Variants in SGCD observed in about 807,000 individuals in gnomAD.
The protein encoded by SGCD is sarcoglycan delta.
SGCD carries 18 observed loss-of-function variants against 36.6 expected under a neutral mutation model. That is an observed-to-expected ratio of 0.49 (90% CI 0.34 to 0.73). The LOEUF (loss-of-function observed/expected upper bound fraction) is 0.73. Ranked by LOEUF, SGCD falls within the 30% of genes least tolerant of loss-of-function variation. The probability of loss-of-function intolerance (pLI) is 0.01; values close to 1 mark genes in which losing one functional copy is unlikely to be tolerated. For missense variants in SGCD, 387 were observed against 346.7 expected (o/e 1.12, Z -0.92); for synonymous variants, 133 against 130.6 (o/e 1.02, Z -0.12).
intron 3 of SGCD, among the ~76,000 whole-genome samples, chr5:156,493,338 A>G (rs1040449614): frequency 6.6e-6 from 1 of 152,154 alleles, no homozygotes; most frequent in Non-Finnish European, 1.5e-5. Flanking sequence ...CATCTCTTGA[A>G]TTTACTTTAC....
chr5:156,346,179 C>T (rs541806690), intron 3 of SGCD, among the ~76,000 whole-genome samples: 226 of 151,670 alleles, frequency 1.5e-3, no homozygotes, highest in Non-Finnish European at 2.9e-3. Context: ...CAGAATGGCT[C>T]ACTTTTTAAT....
chr5:155,799,032 T>C, the SGCD span, among the ~76,000 whole-genome samples: 2 of 152,230 alleles, frequency 1.3e-5, no homozygotes, highest in Non-Finnish European at 2.9e-5. Flanking sequence ...ATTTCTTATA[T>C]TCATTTGGTG....
At chr5:156,407,430 C>A (rs1368409621) in intron 3 of SGCD, among the ~76,000 whole-genome samples, 1 of 152,200 alleles carries the variant, frequency 6.6e-6, no homozygotes, top group African/African-American at 2.4e-5. Context: ...AAATCTGTCT[C>A]CCTCATTGGC....
chr5:156,734,057 A>G (rs1014136475), intron 7 of SGCD, among the ~76,000 whole-genome samples: 2 of 152,042 alleles, frequency 1.3e-5, no homozygotes, highest in Non-Finnish European at 2.9e-5. Flanking sequence ...TTTCTTTTCC[A>G]TATTTAGTGC....
At chr5:155,905,335 C>A (rs1030454950) in intron 1 of SGCD, among the ~76,000 whole-genome samples, 1 of 152,012 alleles carries the variant, frequency 6.6e-6, no homozygotes, top group Non-Finnish European at 1.5e-5. Context: ...CATGGTATAA[C>A]CTTAGAAATT....
At chr5:156,237,377 C>A (rs1192895305) in intron 3 of SGCD, among the ~76,000 whole-genome samples, 1 of 151,932 alleles carries the variant, frequency 6.6e-6, no homozygotes, top group African/African-American at 2.4e-5. Flanking sequence ...GTAATCTCAG[C>A]ACTTTGGGAG....
chr5:156,298,711 G>A (rs548929911), intron 3 of SGCD, among the ~76,000 whole-genome samples: 1 of 151,426 alleles, frequency 6.6e-6, no homozygotes, highest in East Asian at 1.9e-4. Context: ...GATTACAGGT[G>A]TGAGCTACCA....
At chr5:156,255,454 C>A (rs573773985) in intron 3 of SGCD, among the ~76,000 whole-genome samples, 2 of 152,268 alleles carry the variant, frequency 1.3e-5, no homozygotes, top group East Asian at 3.9e-4. Context: ...TTTCTGTTAA[C>A]TGGCACAATG....
At chr5:156,729,347 C>CTCTA (rs568457385) in intron 7 of SGCD, among the ~76,000 whole-genome samples, 162 of 152,170 alleles carry the variant, frequency 1.1e-3, no homozygotes, top group Non-Finnish European at 1.4e-3. Context: ...TTAGTTTACT[C>CTCTA]TCTATCTCTC....
intron 3 of SGCD, among the ~76,000 whole-genome samples, chr5:156,171,794 A>G (rs1485259272): frequency 2.0e-5 from 3 of 152,180 alleles, no homozygotes; most frequent in Non-Finnish European, 4.4e-5. Flanking sequence ...GTGCCTTTCA[A>G]ATCCAACTCT....
the SGCD span, among the ~76,000 whole-genome samples, chr5:155,784,270 A>T: frequency 6.6e-6 from 1 of 152,146 alleles, no homozygotes; most frequent in African/African-American, 2.4e-5. Flanking sequence ...GAAGTGGTGG[A>T]TTGGAAATAG....
At chr5:156,376,286 G>C (rs1215540289) in intron 3 of SGCD, among the ~76,000 whole-genome samples, 5 of 152,180 alleles carry the variant, frequency 3.3e-5, no homozygotes, top group African/African-American at 1.2e-4. Flanking sequence ...AAGAATTGTA[G>C]GGGAAATTTG....
chr5:156,262,916 T>C (rs1765903328), intron 3 of SGCD, among the ~76,000 whole-genome samples: 1 of 152,046 alleles, frequency 6.6e-6, no homozygotes, highest in African/African-American at 2.4e-5. Context: ...TGTGTGTGTG[T>C]GTGTGTGTAT....
chr5:156,453,052 A>T (rs764305879), intron 3 of SGCD, among the ~76,000 whole-genome samples: 32 of 152,162 alleles, frequency 2.1e-4, no homozygotes, highest in Admixed American at 1.3e-4. Context: ...TTCAGTTTTG[A>T]ATATTGTATT....
intron 3 of SGCD, among the ~76,000 whole-genome samples, chr5:156,380,062 G>A (rs1030941635): frequency 2.0e-5 from 3 of 152,084 alleles, no homozygotes; most frequent in African/African-American, 7.2e-5. Context: ...TCAAGGCACA[G>A]CGTTTGTGGT....
At chr5:155,901,264 A>T (rs1425393660) in intron 1 of SGCD, among the ~76,000 whole-genome samples, 1 of 151,698 alleles carries the variant, frequency 6.6e-6, no homozygotes, top group Non-Finnish European at 1.5e-5. Flanking sequence ...GTGAGCCGAG[A>T]TAGTACCACT....
At chr5:156,259,114 G>A (rs1321935556) in intron 3 of SGCD, among the ~76,000 whole-genome samples, 2 of 146,690 alleles carry the variant, frequency 1.4e-5, no homozygotes, top group Admixed American at 6.8e-5. Flanking sequence ...AACACTGGCT[G>A]TTTATTTATT....
chr5:156,559,365 A>G (rs1056755943), intron 4 of SGCD, among the ~76,000 whole-genome samples: 2 of 152,220 alleles, frequency 1.3e-5, no homozygotes, highest in Admixed American at 1.3e-4. Context: ...AGGTATCAGT[A>G]GGTCAGACAA....
chr5:156,480,316 C>T (rs1755367762), intron 3 of SGCD, among the ~76,000 whole-genome samples: 1 of 152,138 alleles, frequency 6.6e-6, no homozygotes, highest in African/African-American at 2.4e-5. Flanking sequence ...AGTTGTATTG[C>T]TCTGTTTCGT....
Sources: gnomAD v4.1 joint callset for allele counts (sites outside exome capture counted in the v4.1 genomes callset) on GRCh38, gnomAD v4.1.1 for gene constraint, MANE v1.5 for transcripts, NCBI Gene and HGNC (gene_info 2026-07-23, HGNC 2026-07-21) for gene names.